Variants in COL5A2 observed in about 807,000 individuals in gnomAD.
The protein encoded by COL5A2 is collagen type V alpha 2 chain, also known as collagen alpha-2(V) chain.
Under a neutral mutation model 208.2 loss-of-function variants are expected in COL5A2, and 23 were observed. The observed-to-expected ratio is 0.11, with a 90% CI of 0.08 to 0.16. The LOEUF is 0.16. Among genes scored for constraint, COL5A2 ranks in the 10% least tolerant of loss-of-function variants. The pLI is 1.00. For missense variants in COL5A2, 1,590 were observed against 1,956.4 expected, an observed-to-expected ratio of 0.81 and a Z score of 3.53; for synonymous variants, 625 against 628.5, an observed-to-expected ratio of 0.99 and a Z score of 0.08.
At position 189,035,059 on chromosome 2, in the gene COL5A2, TGTAA is replaced by T; in HGVS notation, c.4206_4209del (p.Tyr1403SerfsTer6). 6.2e-7 allele frequency: 1 copy of T among 1,613,926 alleles called. No individual in the cohort carries two copies. The highest frequency in any genetic ancestry group is 8.5e-7 in the Non-Finnish European group (1 of 1,179,894). The stretch of plus-strand genomic sequence containing the variant: ...ATGTATCCTACACTGTTTTTACAGA[TGTAA>T]GTGATGTTCTGGGAGGCTTCTTTTG... On this transcript the variant is annotated frameshift_variant, in exon 53 of 54. Coordinates refer to ENST00000374866, the MANE Select transcript of COL5A2 (RefSeq NM_000393.5). LOFTEE classifies it high-confidence loss of function.
the COL5A2 span, among the ~76,000 whole-genome samples, chr2:189,318,374 C>T: frequency 6.6e-6 from 1 of 152,230 alleles, no homozygotes; most frequent in Admixed American, 6.5e-5. Flanking sequence ...AAATTTCCTT[C>T]TCTTGCCTCA....
At chr2:189,148,574 A>G (rs1688084612) in intron 1 of COL5A2, among the ~76,000 whole-genome samples, 1 of 152,206 alleles carries the variant, frequency 6.6e-6, no homozygotes, top group Non-Finnish European at 1.5e-5. Flanking sequence ...AGAGAAAAAC[A>G]TTATAAAGTT....
At chr2:189,322,868 C>CA in the COL5A2 span, among the ~76,000 whole-genome samples, 1 of 151,904 alleles carries the variant, frequency 6.6e-6, no homozygotes, top group South Asian at 2.1e-4. Flanking sequence ...AGAGGCACAA[C>CA]AAAAAAAGAG....
chr2:189,189,408 A>C (rs1018552141), intron 1 of COL5A2, among the ~76,000 whole-genome samples: 2 of 152,176 alleles, frequency 1.3e-5, no homozygotes, highest in African/African-American at 4.8e-5. Flanking sequence ...TATTGATTTA[A>C]AAATATATGA....
At chr2:189,068,363 G>T in intron 19 of COL5A2, 93 bp from the exon 20 acceptor site, 1 of 1,109,952 alleles carries the variant, frequency 9.0e-7, no homozygotes, top group Non-Finnish European at 1.4e-6. Context: ...CTTCAAAAAG[G>T]AAGTAGAAGC....
At chr2:189,348,309 A>T in the COL5A2 span, among the ~76,000 whole-genome samples, 1 of 152,218 alleles carries the variant, frequency 6.6e-6, no homozygotes, top group South Asian at 2.1e-4. Flanking sequence ...TGAACCCACA[A>T]ATATTACCTC....
At chr2:189,420,337 C>G in the COL5A2 span, among the ~76,000 whole-genome samples, 1 of 151,802 alleles carries the variant, frequency 6.6e-6, no homozygotes, top group Non-Finnish European at 1.5e-5. Flanking sequence ...GGAAAAAAAC[C>G]AGAGTAGACA....
the COL5A2 span, among the ~76,000 whole-genome samples, chr2:189,436,451 C>T: frequency 1.3e-5 from 2 of 151,948 alleles, no homozygotes; most frequent in East Asian, 3.9e-4. Context: ...GTGCAGCACA[C>T]CAACATGGCA....
intron 1 of COL5A2, among the ~76,000 whole-genome samples, chr2:189,136,088 C>T (rs948798019): frequency 1.3e-5 from 2 of 152,160 alleles, no homozygotes; most frequent in African/African-American, 2.4e-5. Context: ...CTGAGCTAGG[C>T]CTGACTAAAG....
the COL5A2 span, among the ~76,000 whole-genome samples, chr2:189,409,363 C>T: frequency 6.6e-6 from 1 of 151,984 alleles, no homozygotes; most frequent in Middle Eastern, 3.2e-3. Flanking sequence ...AGGCACCATA[C>T]ACCTCACCCA....
chr2:189,055,126 G>A (rs1046550296), intron 35 of COL5A2, among the ~76,000 whole-genome samples: 2 of 151,938 alleles, frequency 1.3e-5, no homozygotes, highest in Non-Finnish European at 2.9e-5. Flanking sequence ...CTCATGATCC[G>A]CCCACCTCAG....
chr2:189,402,787 C>CTATAG, the COL5A2 span, among the ~76,000 whole-genome samples: 86,004 of 150,240 alleles, frequency 0.57, 25,764 homozygotes, highest in East Asian at 0.68. Flanking sequence ...GCTCTTTTGG[C>CTATAG]TATAGTATAG....
chr2:189,143,950 C>A (rs1216717970), intron 1 of COL5A2, among the ~76,000 whole-genome samples: 3 of 152,002 alleles, frequency 2.0e-5, no homozygotes, highest in Non-Finnish European at 4.4e-5. Flanking sequence ...TCTTAAAGAA[C>A]TAGACATGGT....
At chr2:189,078,654 G>T in intron 15 of COL5A2, 85 bp from the exon 16 acceptor site, 1 of 1,105,726 alleles carries the variant, frequency 9.0e-7, no homozygotes, top group Non-Finnish European at 1.4e-6. Flanking sequence ...ATCCAATTGA[G>T]ATTCAAGATA....
intron 34 of COL5A2, 124 bp downstream of exon 34, chr2:189,057,196 T>C: frequency 2.9e-6 from 3 of 1,018,374 alleles, no homozygotes; most frequent in East Asian, 2.6e-5. Flanking sequence ...ATTAGAAGAA[T>C]GAAAAATGAA....
the COL5A2 span, among the ~76,000 whole-genome samples, chr2:189,275,608 C>A: frequency 5.4e-3 from 825 of 151,964 alleles, 7 homozygotes; most frequent in African/African-American, 0.019. Context: ...CACGCGCCAC[C>A]ACCCTGGCTA....
the COL5A2 span, among the ~76,000 whole-genome samples, chr2:189,313,911 G>T: frequency 1.1e-4 from 16 of 152,132 alleles, no homozygotes; most frequent in Non-Finnish European, 1.6e-4. Flanking sequence ...AAATATATAT[G>T]CACACAACAC....
the COL5A2 span, among the ~76,000 whole-genome samples, chr2:189,284,632 G>A: frequency 6.6e-6 from 1 of 152,068 alleles, no homozygotes. Flanking sequence ...TTCAACATGA[G>A]ATATGGGTGG....
At chr2:189,281,281 T>C in the COL5A2 span, among the ~76,000 whole-genome samples, 3 of 152,134 alleles carry the variant, frequency 2.0e-5, no homozygotes, top group South Asian at 2.1e-4. Context: ...AGAAATTAGA[T>C]TGAATGTCAA....
Sources: allele counts gnomAD v4.1 joint callset (sites outside exome capture counted in the v4.1 genomes callset), GRCh38; gene constraint gnomAD v4.1.1; transcripts MANE v1.5; gene names NCBI Gene and HGNC (gene_info 2026-07-23, HGNC 2026-07-21).